The following WDR48 variants were observed in gnomAD, a reference collection of about 807,000 sequenced individuals.
WDR48 encodes WD repeat domain 48, also known as WD repeat-containing protein 48.
WDR48 carries 22 observed loss-of-function variants against 94.0 expected under a neutral mutation model. That is an observed-to-expected ratio of 0.23 (90% CI 0.17 to 0.33). WDR48 has a LOEUF of 0.33. WDR48 is among the 10% of genes least tolerant of loss of function. The pLI is 1.00. For missense variants in WDR48, 541 were observed against 813.8 expected (o/e 0.66, Z 4.08); for synonymous variants, 278 against 280.5 (o/e 0.99, Z 0.09).
In WDR48 at chr3:39,066,728, A is replaced by G. The variant is rs760057032; in HGVS notation, c.352-18A>G. On this transcript the variant is annotated intron_variant, in intron 4 of 18. Transcript: ENST00000302313. ...ACTGATCTACAGAATAGATCATAGT[A>G]TGTCTGTTCTATTACAGGATTACGT... The G allele has an allele frequency of 9.9e-6, 16 of 1,613,708 alleles. No individual in the cohort carries two copies. In the East Asian group the frequency reaches 3.1e-4, roughly 31 times the overall value.
In WDR48 at chr3:39,095,580, T is replaced by C. The variant is rs1393537845; in HGVS notation, c.*837T>C. ...GCTCTGGATGAGCAGCATGACACCATCAAAATTTAAGACCATGATGAAATT... is the reference window on the plus strand; with the variant it reads ...GCTCTGGATGAGCAGCATGACACCACCAAAATTTAAGACCATGATGAAATT... On this transcript the variant is annotated 3_prime_UTR_variant, in exon 19 of 19. Transcript: ENST00000302313. 6.6e-6 allele frequency: 1 copy of C among 152,224 alleles called. No homozygotes were observed. Among genetic ancestry groups the C allele is most frequent in the Non-Finnish European group, 1.5e-5 (1 of 68,044 alleles). The allele number at this position is 152,224 out of a possible 1,614,324, so 9.4% of individuals were successfully genotyped here.
At chr3:39,070,401 C>T (rs1244580174) in intron 7 of WDR48, among the ~76,000 whole-genome samples, 1 of 152,020 alleles carries the variant, frequency 6.6e-6, no homozygotes, top group African/African-American at 2.4e-5. Flanking sequence ...AGTGATAAGT[C>T]AGAGATAACT....
intron 1 of WDR48, among the ~76,000 whole-genome samples, chr3:39,059,088 A>AG (rs1459231343): frequency 6.6e-6 from 1 of 151,976 alleles, no homozygotes; most frequent in Non-Finnish European, 1.5e-5. Context: ...AAAAAAAAAA[A>AG]AAAAAAAATA....
intron 5 of WDR48, among the ~76,000 whole-genome samples, chr3:39,067,238 G>A (rs765991726): frequency 6.6e-6 from 1 of 152,198 alleles, no homozygotes; most frequent in Non-Finnish European, 1.5e-5. Context: ...ATTGAAGGAG[G>A]TGGCGATTTT....
intron 13 of WDR48, 37 bp downstream of exon 13, chr3:39,084,778 T>C (rs369823732): frequency 3.2e-5 from 51 of 1,570,344 alleles, no homozygotes; most frequent in Non-Finnish European, 4.5e-5. Context: ...TCCTCCCTTC[T>C]AAAGAGAAGA....
intron 9 of WDR48, 97 bp from the exon 10 acceptor site, chr3:39,078,040 T>C: frequency 2.3e-6 from 2 of 875,522 alleles, no homozygotes; most frequent in Non-Finnish European, 3.6e-6. Context: ...TGAGGTTTTC[T>C]TGTTTGTTTT....
At chr3:39,090,842 A>C (rs2035042016) in intron 16 of WDR48, 2 of 152,200 alleles carry the variant, frequency 1.3e-5, no homozygotes, top group African/African-American at 4.8e-5. Flanking sequence ...TATACCTCTA[A>C]GACTTAAAGC....
chr3:39,075,800 T>C (rs570025055), intron 8 of WDR48, among the ~76,000 whole-genome samples: 1 of 152,028 alleles, frequency 6.6e-6, no homozygotes, highest in African/African-American at 2.4e-5. Context: ...TTAATGCCAT[T>C]CTCCTGCCTC....
intron 1 of WDR48, among the ~76,000 whole-genome samples, chr3:39,055,400 G>A (rs891971430): frequency 2.0e-5 from 3 of 152,296 alleles, no homozygotes; most frequent in Admixed American, 1.3e-4. Context: ...CAGGGGAATC[G>A]CTTGAACCCA....
chr3:39,091,539 C>A, intron 16 of WDR48, 86 bp from the exon 17 acceptor site: 2 of 987,268 alleles, frequency 2.0e-6, no homozygotes, highest in Non-Finnish European at 2.9e-6. Context: ...ATAATTATTA[C>A]TTGCAAGTCA....
At chr3:39,067,547 C>G (rs1473011113) in intron 5 of WDR48, among the ~76,000 whole-genome samples, 4 of 152,118 alleles carry the variant, frequency 2.6e-5, no homozygotes, top group Non-Finnish European at 5.9e-5. Flanking sequence ...TCATGCTTGG[C>G]CCAACCTAGT....
intron 1 of WDR48, among the ~76,000 whole-genome samples, chr3:39,052,987 G>T (rs948128703): frequency 1.4e-4 from 21 of 152,140 alleles, no homozygotes; most frequent in East Asian, 5.8e-4. Context: ...AAACCTGCAC[G>T]TTGTGCACAT....
chr3:39,089,225 GTT>G lies in WDR48; in HGVS notation c.1581-4_1581-3del. 6.2e-7 allele frequency: 1 copy of G among 1,611,160 alleles called. No individual in the cohort carries two copies. The highest frequency in any genetic ancestry group is 1.7e-5 in the Admixed American group (1 of 59,564). On this transcript the variant is annotated splice_region_variant and splice_polypyrimidine_tract_variant and intron_variant, in intron 15 of 18. Coordinates refer to ENST00000302313, the MANE Select transcript of WDR48 (RefSeq NM_020839.4). ...GGTTACTTACTACTTGATGGTTTAT[GTT>G]TAGGCTGCTCTGCCGAGATTCCGGG...
chr3:39,085,467 A>G, intron 13 of WDR48, 48 bp from the exon 14 acceptor site: 1 of 1,447,286 alleles, frequency 6.9e-7, no homozygotes, highest in South Asian at 1.2e-5. Context: ...GTTAAAGCCA[A>G]GTAACTCGCT....
intron 10 of WDR48, among the ~76,000 whole-genome samples, chr3:39,079,313 G>C (rs1001773976): frequency 6.6e-6 from 1 of 152,160 alleles, no homozygotes; most frequent in Non-Finnish European, 1.5e-5. Flanking sequence ...TAAACCTTTA[G>C]AATATTCATT....
At chr3:39,059,365 TG>T (rs1230311385) in intron 1 of WDR48, among the ~76,000 whole-genome samples, 1 of 152,142 alleles carries the variant, frequency 6.6e-6, no homozygotes, top group African/African-American at 2.4e-5. Context: ...GAAAGGAGTT[TG>T]GAATGACTGT....
intron 2 of WDR48, among the ~76,000 whole-genome samples, chr3:39,064,195 C>T (rs950118770): frequency 3.3e-5 from 5 of 151,920 alleles, no homozygotes; most frequent in South Asian, 2.1e-4. Flanking sequence ...ATGTGCCATA[C>T]GCTCTTTGCA....
chr3:39,080,115 A>G (rs1443906395), intron 11 of WDR48, among the ~76,000 whole-genome samples: 1 of 151,068 alleles, frequency 6.6e-6, no homozygotes, highest in Non-Finnish European at 1.5e-5. Flanking sequence ...TTGGAGGTGG[A>G]GGAGGGGGCA....
chr3:39,063,215 C>T, intron 2 of WDR48, 25 bp downstream of exon 2: 1 of 1,608,738 alleles, frequency 6.2e-7, no homozygotes, highest in Non-Finnish European at 8.5e-7. Flanking sequence ...AAAATCTGTA[C>T]CCAGCAAATT....
Sources: allele counts gnomAD v4.1 joint callset (sites outside exome capture counted in the v4.1 genomes callset), GRCh38; gene constraint gnomAD v4.1.1; transcripts MANE v1.5; gene names NCBI Gene and HGNC (gene_info 2026-07-23, HGNC 2026-07-21).